The following DRP2 variants were observed in gnomAD, a reference collection of about 807,000 sequenced individuals.
The protein encoded by DRP2 is dystrophin related protein 2, also known as dystrophin-related protein 2.
DRP2 carries 29 observed loss-of-function variants against 78.2 expected under a neutral mutation model. The ratio of observed to expected loss-of-function variants is 0.37; its 90% CI spans 0.28 to 0.51. DRP2 has a LOEUF of 0.51. Among genes scored for constraint, DRP2 ranks in the 20% least tolerant of loss-of-function variants. The pLI is 0.94. For synonymous variants in DRP2, 290 were observed against 281.9 expected, an observed-to-expected ratio of 1.03 and a Z score of -0.29; for missense variants, 686 against 770.6, an observed-to-expected ratio of 0.89 and a Z score of 1.30.
chrX:101,247,470 G>T (rs1243508481), intron 12 of DRP2, among the ~76,000 whole-genome samples: 1 of 111,948 alleles, frequency 8.9e-6, no homozygotes, highest in South Asian at 3.7e-4. Context: ...CCCATGATTT[G>T]CCATCTTGGG....
chrX:101,226,447 T>C (rs1922123443), intron 2 of DRP2, among the ~76,000 whole-genome samples: 1 of 111,957 alleles, frequency 8.9e-6, no homozygotes, highest in Non-Finnish European at 1.9e-5. Context: ...TAAATAAATA[T>C]CAGGTGTGGG....
chrX:101,237,594 C>G, intron 4 of DRP2, 25 bp from the exon 5 acceptor site: 1 of 1,045,783 alleles, frequency 9.6e-7, no homozygotes, highest in Admixed American at 3.4e-5. Flanking sequence ...GACTGAACAT[C>G]ACTGGTTTTA....
intron 1 of DRP2, among the ~76,000 whole-genome samples, chrX:101,220,466 G>T (rs944837524): frequency 1.8e-5 from 2 of 110,304 alleles, no homozygotes; most frequent in Non-Finnish European, 3.8e-5. Context: ...AGCAACTAAG[G>T]TCTAAAAATG....
chrX:101,227,198 T>C (rs757745015), intron 2 of DRP2, among the ~76,000 whole-genome samples: 6 of 112,056 alleles, frequency 5.4e-5, no homozygotes, highest in Non-Finnish European at 7.5e-5. Context: ...TACTGTCACA[T>C]TGGGGACAGA....
chrX:101,242,038 A>C, intron 7 of DRP2, 102 bp downstream of exon 7: 3 of 982,898 alleles, frequency 3.1e-6, no homozygotes, highest in Non-Finnish European at 4.1e-6. Flanking sequence ...GTTGGCCTGG[A>C]CTACAACTGA....
At chrX:101,259,729 C>T (rs903741840) in intron 22 of DRP2, among the ~76,000 whole-genome samples, 13 of 111,691 alleles carry the variant, frequency 1.2e-4, no homozygotes, top group Non-Finnish European at 2.4e-4. Context: ...AACTCCTGAC[C>T]TCAGGTGATC....
intron 11 of DRP2, 92 bp downstream of exon 11, chrX:101,245,541 G>A: frequency 1.4e-6 from 1 of 714,868 alleles, no homozygotes. Context: ...TAAAGAAAAT[G>A]TGGTATATCC....
At chrX:101,225,177 C>T (rs765436246) in intron 2 of DRP2, among the ~76,000 whole-genome samples, 1 of 104,540 alleles carries the variant, frequency 9.6e-6, no homozygotes, top group African/African-American at 3.6e-5. Context: ...CCCCATTAGA[C>T]TCACTGCATC....
At chrX:101,221,969 T>C (rs1224469833) in intron 1 of DRP2, among the ~76,000 whole-genome samples, 1 of 112,297 alleles carries the variant, frequency 8.9e-6, no homozygotes, top group Non-Finnish European at 1.9e-5. Flanking sequence ...AGATAAATCC[T>C]TCTAGGATAG....
rs202133495 is a variant in DRP2, at chrX:101,252,920, TG to T, written c.1977+206del. ...CTCCCTCACCAGGCCTGGCCACAGCTGGCCCAGGACACTCTCAGCCATTTAA... is the reference window on the plus strand; with the variant it reads ...CTCCCTCACCAGGCCTGGCCACAGCTGCCCAGGACACTCTCAGCCATTTAA... On this transcript the variant is annotated intron_variant, in intron 17 of 23. Coordinates refer to ENST00000395209, the MANE Select transcript of DRP2 (RefSeq NM_001939.3). Among the ~76,000 whole-genome samples, 13 of 112,274 alleles carry T rather than the reference TG, an allele frequency of 1.2e-4. No homozygotes were observed. The East Asian group carries it at 3.6e-3, about 31-fold the overall frequency.
At chrX:101,253,288 T>G (rs1334215052) in intron 17 of DRP2, among the ~76,000 whole-genome samples, 1 of 110,951 alleles carries the variant, frequency 9.0e-6, no homozygotes, top group Non-Finnish European at 1.9e-5. Context: ...CCTCCATACT[T>G]GCCTTAGCCC....
At chrX:101,224,285 G>A (rs1215733936) in intron 1 of DRP2, among the ~76,000 whole-genome samples, 1 of 86,474 alleles carries the variant, frequency 1.2e-5, no homozygotes, top group Non-Finnish European at 2.1e-5. Flanking sequence ...CTGGGAGGCT[G>A]AGGCAAGATA....
chrX:101,263,807 G>A lies in DRP2; in HGVS notation c.*3186G>A, dbSNP rs950062474. ...ACAGAAATGAGAAACCCTGAGGCCA[G>A]GAAGAGGCCAATCCTAGGAGATGTT... On this transcript the variant is annotated 3_prime_UTR_variant, in exon 24 of 24. Coordinates refer to ENST00000395209, the MANE Select transcript of DRP2 (RefSeq NM_001939.3). 3 of 111,961 alleles carry A rather than the reference G, an allele frequency of 2.7e-5. No homozygotes were observed. The highest frequency in any genetic ancestry group is 3.8e-5 in the Non-Finnish European group (2 of 53,197). 9.2% of individuals were successfully genotyped at this position (111,961 alleles called of 1,213,427 possible).
At chrX:101,228,180 G>A (rs971869153) in intron 2 of DRP2, among the ~76,000 whole-genome samples, 3 of 111,743 alleles carry the variant, frequency 2.7e-5, no homozygotes, top group African/African-American at 9.8e-5. Context: ...TATCATAAAC[G>A]CTTTGATCCA....
At chrX:101,224,212 T>TTTTTTTTTTGTTTTTTTTTTGTTTTTG (rs1922025889) in intron 1 of DRP2, among the ~76,000 whole-genome samples, 1 of 75,098 alleles carries the variant, frequency 1.3e-5, no homozygotes, top group African/African-American at 5.5e-5. Context: ...TTTTTTTTTT[T>TTTTTTTTTTGTTTTTTTTTTGTTTTTG]TTTTTTTTTG....
chrX:101,232,014 C>T (rs775267597), intron 3 of DRP2, among the ~76,000 whole-genome samples: 1 of 110,997 alleles, frequency 9.0e-6, no homozygotes, highest in Non-Finnish European at 1.9e-5. Context: ...GGGCTGGTTC[C>T]ATGTTAACCT....
chrX:101,248,458 A>C, intron 13 of DRP2, 56 bp from the exon 14 acceptor site: 1 of 1,167,750 alleles, frequency 8.6e-7, no homozygotes, highest in Non-Finnish European at 1.2e-6. Context: ...AATGATTGCC[A>C]AGATGTTAAC....
At position 101,220,091 on chromosome X, in the gene DRP2, C is replaced by T. The variant is rs1461930793; in HGVS notation, c.-222C>T. The T allele has an allele frequency of 9.0e-6, 1 of 111,272 alleles. No homozygotes were observed. Among genetic ancestry groups the T allele is most frequent in the African/African-American group, 3.3e-5 (1 of 30,572 alleles). The allele number at this position is 111,272 out of a possible 1,213,427, so 9.2% of individuals were successfully genotyped here. ...TGCTGATTCACAGAGGCAGCCCAGC[C>T]CCGGCCTCCCAGCTTACAGCTGCCG... On this transcript the variant is annotated 5_prime_UTR_variant, in exon 1 of 24. Coordinates refer to ENST00000395209, the MANE Select transcript of DRP2 (RefSeq NM_001939.3).
intron 2 of DRP2, among the ~76,000 whole-genome samples, chrX:101,229,797 C>A (rs1240075611): frequency 8.9e-6 from 1 of 111,759 alleles, no homozygotes; most frequent in Non-Finnish European, 1.9e-5. Context: ...TCTTTGCCAC[C>A]CATTCTCATC....
Sources: gnomAD v4.1 joint callset for allele counts (sites outside exome capture counted in the v4.1 genomes callset) on GRCh38, gnomAD v4.1.1 for gene constraint, MANE v1.5 for transcripts, NCBI Gene and HGNC (gene_info 2026-07-23, HGNC 2026-07-21) for gene names.